The following PRKAR1A variants were observed in gnomAD, a reference collection of about 807,000 sequenced individuals.
PRKAR1A encodes the protein cAMP-dependent protein kinase type I-alpha regulatory subunit.
In PRKAR1A, 3 loss-of-function variants were observed where a neutral mutation model predicts 52.0. The observed-to-expected ratio is 0.06, with a 90% CI of 0.03 to 0.15. The LOEUF is 0.15. Among genes scored for constraint, PRKAR1A ranks in the 10% least tolerant of loss-of-function variants. The pLI, the probability that PRKAR1A is intolerant of heterozygous loss-of-function variation, is 1.00. For missense variants in PRKAR1A, 240 were observed against 477.4 expected, an observed-to-expected ratio of 0.50 and a Z score of 4.63; for synonymous variants, 188 against 168.4, an observed-to-expected ratio of 1.12 and a Z score of -0.90.
intron 2 of PRKAR1A, among the ~76,000 whole-genome samples, chr17:68,522,292 A>G (rs1440621153): frequency 6.6e-6 from 1 of 152,224 alleles, no homozygotes; most frequent in African/African-American, 2.4e-5. Flanking sequence ...TCAGTAATCT[A>G]GACATTCTTG....
the PRKAR1A span, chr17:68,435,536 C>A: frequency 7.5e-7 from 1 of 1,335,578 alleles, no homozygotes; most frequent in Non-Finnish European, 1.1e-6. Flanking sequence ...CTTCATGTCA[C>A]CAGGTTTGTT....
chr17:68,543,656 G>GT, intron 11 of PRKAR1A: 1 of 1,614,120 alleles, frequency 6.2e-7, no homozygotes, highest in Non-Finnish European at 8.5e-7. Flanking sequence ...TGCGATCTCA[G>GT]CATTGTGTCT....
chr17:68,427,239 C>T, the PRKAR1A span: 1 of 1,613,972 alleles, frequency 6.2e-7, no homozygotes, highest in Non-Finnish European at 8.5e-7. Context: ...TTCTGTTGTT[C>T]CTGAGCCAAG....
chr17:68,420,963 T>G, the PRKAR1A span: 1 of 159,660 alleles, frequency 6.3e-6, no homozygotes, highest in East Asian at 1.9e-4. Context: ...CACAAACCAG[T>G]GTACTCACTG....
chr17:68,496,679 G>T, the PRKAR1A span, among the ~76,000 whole-genome samples: 1 of 152,222 alleles, frequency 6.6e-6, no homozygotes, highest in East Asian at 1.9e-4. Flanking sequence ...CACTCTCCTC[G>T]AATGTAGAAC....
At chr17:68,533,828 A>G (rs140329261), downstream of PRKAR1A, among the ~76,000 whole-genome samples, 141 of 152,250 alleles carry the variant, frequency 9.3e-4, no homozygotes, top group African/African-American at 3.3e-3. Context: ...CCCAGATTCA[A>G]GTGATTCTTG....
chr17:68,452,150 C>T, the PRKAR1A span, among the ~76,000 whole-genome samples: 1 of 152,254 alleles, frequency 6.6e-6, no homozygotes, highest in African/African-American at 2.4e-5. Flanking sequence ...GTTCACTAGA[C>T]ATGCTTCAAC....
chr17:68,526,371 C>G (rs190519761), intron 7 of PRKAR1A, among the ~76,000 whole-genome samples: 12 of 152,290 alleles, frequency 7.9e-5, no homozygotes, highest in Non-Finnish European at 1.5e-4. Flanking sequence ...AAGGAATAAA[C>G]AAAATACTAA....
intron 2 of PRKAR1A, 83 bp from the exon 3 acceptor site, chr17:68,522,673 T>C (rs936516328): frequency 2.1e-6 from 3 of 1,438,754 alleles, no homozygotes; most frequent in East Asian, 2.3e-5. Context: ...TGGAAGTGAC[T>C]GAGATAGACT....
intron 11 of PRKAR1A, among the ~76,000 whole-genome samples, chr17:68,544,627 A>G (rs770877635): frequency 1.6e-4 from 24 of 152,232 alleles, no homozygotes; most frequent in African/African-American, 2.4e-4. Flanking sequence ...CATTTTGCCA[A>G]AAAACACGAG....
the PRKAR1A span, among the ~76,000 whole-genome samples, chr17:68,438,958 C>T: frequency 6.6e-6 from 1 of 152,168 alleles, no homozygotes; most frequent in Non-Finnish European, 1.5e-5. Flanking sequence ...CACTGTACAA[C>T]CACTAGGATG....
the PRKAR1A span, among the ~76,000 whole-genome samples, chr17:68,450,218 A>G: frequency 6.6e-6 from 1 of 152,216 alleles, no homozygotes; most frequent in Admixed American, 6.5e-5. Flanking sequence ...ATGAGAACCC[A>G]AGGCTGAATA....
At chr17:68,470,664 A>G in the PRKAR1A span, among the ~76,000 whole-genome samples, 6 of 152,356 alleles carry the variant, frequency 3.9e-5, no homozygotes, top group African/African-American at 1.4e-4. Context: ...AAGGTTAATA[A>G]TTCGTTGCTT....
chr17:68,511,338 G>A (rs2085261429), upstream of PRKAR1A, among the ~76,000 whole-genome samples: 1 of 152,078 alleles, frequency 6.6e-6, no homozygotes, highest in Non-Finnish European at 1.5e-5. Flanking sequence ...GACTTGATGT[G>A]TCTAAAATTG....
chr17:68,542,258 A>T (rs1487456300), intron 11 of PRKAR1A: 2 of 1,355,430 alleles, frequency 1.5e-6, no homozygotes, highest in Non-Finnish European at 2.1e-6. Flanking sequence ...AGGGAAGGGA[A>T]ACCCTGAACT....
the PRKAR1A span, chr17:68,428,676 G>A: frequency 4.9e-6 from 3 of 618,430 alleles, no homozygotes; most frequent in South Asian, 3.8e-5. Flanking sequence ...ACAGAGCCCG[G>A]TGCAGAGCAC....
chr17:68,425,089 C>T, the PRKAR1A span, among the ~76,000 whole-genome samples: 1 of 152,210 alleles, frequency 6.6e-6, no homozygotes, highest in African/African-American at 2.4e-5. Context: ...AGCACTCAGC[C>T]AGCCCCGAGG....
At chr17:68,490,529 T>G in the PRKAR1A span, among the ~76,000 whole-genome samples, 1 of 152,192 alleles carries the variant, frequency 6.6e-6, no homozygotes. Flanking sequence ...TTGGGTTCCA[T>G]GGCTGAGTTT....
the PRKAR1A span, among the ~76,000 whole-genome samples, chr17:68,499,169 T>C: frequency 6.6e-6 from 1 of 152,258 alleles, no homozygotes; most frequent in Non-Finnish European, 1.5e-5. Context: ...CTCTTGCCAA[T>C]GCCCTTCACA....
Sources: gnomAD v4.1 joint callset for allele counts (sites outside exome capture counted in the v4.1 genomes callset) on GRCh38, gnomAD v4.1.1 for gene constraint, MANE v1.5 for transcripts, NCBI Gene and HGNC (gene_info 2026-07-23, HGNC 2026-07-21) for gene names.